SLC4A7: variants seen among roughly 807,000 people sequenced by gnomAD.
SLC4A7 encodes the protein solute carrier family 4 member 7, also known as sodium bicarbonate cotransporter 3.
A neutral mutation model predicts 137.6 loss-of-function variants in SLC4A7; 51 were observed. The ratio of observed to expected loss-of-function variants is 0.37; its 90% CI spans 0.30 to 0.47. SLC4A7 has a LOEUF of 0.47. Among genes scored for constraint, SLC4A7 ranks in the 20% least tolerant of loss-of-function variants. SLC4A7 has a pLI of 1.00. For missense variants in SLC4A7, 1,247 were observed against 1,525.4 expected (o/e 0.82, Z 3.04); for synonymous variants, 542 against 518.6 (o/e 1.05, Z -0.61).
intron 3 of SLC4A7, among the ~76,000 whole-genome samples, chr3:27,446,870 T>C (rs567832741): frequency 6.8e-4 from 53 of 78,402 alleles, no homozygotes; most frequent in Non-Finnish European, 1.2e-3. Flanking sequence ...GTAGAGTTTT[T>C]TTTTGTTTTT....
chr3:27,477,616 C>CT (rs919665845), intron 1 of SLC4A7, among the ~76,000 whole-genome samples: 20 of 151,016 alleles, frequency 1.3e-4, no homozygotes, highest in East Asian at 5.8e-4. Context: ...TTCTCAGAGC[C>CT]TTTTTTTTTG....
At chr3:27,433,659 T>A (rs895760147) in intron 6 of SLC4A7, among the ~76,000 whole-genome samples, 2 of 151,676 alleles carry the variant, frequency 1.3e-5, no homozygotes, top group African/African-American at 2.4e-5. Context: ...AAAAAAAAAA[T>A]TAGGAAAAAT....
intron 1 of SLC4A7, among the ~76,000 whole-genome samples, chr3:27,474,407 T>G (rs1036572586): frequency 6.6e-6 from 1 of 152,192 alleles, no homozygotes; most frequent in African/African-American, 2.4e-5. Flanking sequence ...AAAGGAGAGA[T>G]ATATCACATT....
chr3:27,456,656 ACTT>A (rs772830507), intron 1 of SLC4A7: 1 of 1,597,762 alleles, frequency 6.3e-7, no homozygotes, highest in South Asian at 1.1e-5. Flanking sequence ...CATACAGGTA[ACTT>A]CTTCTCCAGA....
intron 1 of SLC4A7, among the ~76,000 whole-genome samples, chr3:27,470,262 G>C (rs12497235): frequency 0.15 from 22,080 of 150,822 alleles, 1,850 homozygotes; most frequent in South Asian, 0.27. Flanking sequence ...AAAGGCTTAA[G>C]CAGTTGATTT....
In SLC4A7 at chr3:27,404,971, A is replaced by C. The variant is rs769681378; in HGVS notation, c.1942-8T>G. On this transcript the variant is annotated splice_polypyrimidine_tract_variant and splice_region_variant and intron_variant, in intron 13 of 25. Transcript: ENST00000454389. ...AAGAGACTCTATTGCACTCTGTTTAAGGAAAAAAGAAATGAATAAAAGCAA... is the reference window on the plus strand; with the variant it reads ...AAGAGACTCTATTGCACTCTGTTTACGGAAAAAAGAAATGAATAAAAGCAA... 9 of 1,557,656 alleles carry C rather than the reference A, an allele frequency of 5.8e-6. No individual in the cohort carries two copies. The Admixed American group carries it at 2.0e-4, about 34-fold the overall frequency.
intron 24 of SLC4A7, among the ~76,000 whole-genome samples, chr3:27,381,270 T>C (rs930311272): frequency 4.6e-5 from 7 of 152,190 alleles, no homozygotes; most frequent in African/African-American, 1.7e-4. Context: ...AAGGTCCATA[T>C]ATAATTACAC....
chr3:27,400,876 A>T lies in SLC4A7; in HGVS notation c.2322-7T>A. ...AGGTTCAGTACATACACATCTGAGAAATTAGAGTAGGATACATTTTTAAGG... is the reference window on the plus strand; with the variant it reads ...AGGTTCAGTACATACACATCTGAGATATTAGAGTAGGATACATTTTTAAGG... On this transcript the variant is annotated splice_region_variant and splice_polypyrimidine_tract_variant and intron_variant, in intron 15 of 25. Transcript: ENST00000454389. The T allele has an allele frequency of 6.9e-7, 1 of 1,446,594 alleles. No individual in the cohort carries two copies. Among genetic ancestry groups the T allele is most frequent in the Non-Finnish European group, 9.7e-7 (1 of 1,033,358 alleles). 89.6% of individuals were successfully genotyped at this position (1,446,594 alleles called of 1,614,324 possible). A position where few individuals can be genotyped will look rare whatever the true frequency, so the allele number is the denominator to read the frequency against.
chr3:27,390,196 T>C, intron 21 of SLC4A7, 92 bp from the exon 22 acceptor site: 1 of 736,402 alleles, frequency 1.4e-6, no homozygotes, highest in Non-Finnish European at 2.2e-6. Flanking sequence ...ATTTTGTGTA[T>C]TAAATTGTAA....
chr3:27,424,914 C>T (rs1316756490), intron 7 of SLC4A7, among the ~76,000 whole-genome samples: 1 of 152,138 alleles, frequency 6.6e-6, no homozygotes. Flanking sequence ...AGAAATGATA[C>T]TTGTTTGGAT....
rs759335145 is a variant in SLC4A7 at position 27,424,126 on chromosome 3, G to A, written c.1177C>T (p.Pro393Ser). Residue 393 changes from proline (P) to serine (S), a missense_variant, in exon 8 of 26, where the codon CCT becomes TCT. Coordinates refer to ENST00000454389, the MANE Select transcript of SLC4A7 (RefSeq NM_001321103.2). Reference protein sequence around the residue: ...PGILASPQSAPGNLDNSKSGE... With the variant: ...PGILASPQSASGNLDNSKSGE... ...CTTTTACTATTGTCCAAGTTTCCAG[G>A]AGCAGACTGGGGAGAGGCCAAAATA... 6.2e-7 allele frequency: 1 copy of A among 1,608,814 alleles called. No individual in the cohort carries two copies.
rs1212214200 is a variant in SLC4A7 at position 27,431,401 on chromosome 3, A to C, written c.1047T>G (p.Ser349Arg). ...QAPELLVSPA[S>R]DDIPTVVIHP... ...GAATTACTACTGTGGGAATATCATC[A>C]CTGGCAGGTGAAACCAGTAGTTCTG... is the stretch of plus-strand genomic sequence containing the variant. Residue 349 changes from serine (S) to arginine (R), a missense_variant, in exon 7 of 26, where the codon AGT (serine) becomes AGG (arginine). Physicochemically the swap from Ser to Arg is moderately radical, Grantham distance 110 (BLOSUM62 -1). Transcript: ENST00000454389. 1 of 1,613,970 alleles carries C rather than the reference A, an allele frequency of 6.2e-7. No individual in the cohort carries two copies. The highest frequency in any genetic ancestry group is 1.1e-5 in the South Asian group (1 of 91,062).
intron 1 of SLC4A7, among the ~76,000 whole-genome samples, chr3:27,467,760 C>T (rs1416303114): frequency 6.6e-6 from 1 of 152,118 alleles, no homozygotes; most frequent in Non-Finnish European, 1.5e-5. Flanking sequence ...AGATCACCAT[C>T]TAGTGGTTAT....
rs779254797 is a variant in SLC4A7, at chr3:27,418,558, T to C, written c.1587A>G (p.Gln529=). Residue 529 remains glutamine, a synonymous_variant, in exon 11 of 26, where the codon CAA becomes CAG. Coordinates refer to ENST00000454389, the MANE Select transcript of SLC4A7 (RefSeq NM_001321103.2). ...ACTCTCCTGGAGGTAGGACAGTTACTTGATCTAAAAATTCATCAATTCCAG... is the reference window on the plus strand; with the variant it reads ...ACTCTCCTGGAGGTAGGACAGTTACCTGATCTAAAAATTCATCAATTCCAG... ...LLSGIDEFLD[Q]VTVLPPGEWD... is the part of the protein sequence containing the mutation. The C allele has an allele frequency of 3.1e-6, 5 of 1,607,610 alleles. No homozygotes were observed. In the East Asian group the frequency reaches 6.7e-5, roughly 22 times the overall value.
At chr3:27,395,232 T>A (rs2052017880) in intron 18 of SLC4A7, 117 bp from the exon 19 acceptor site, 1 of 625,742 alleles carries the variant, frequency 1.6e-6, no homozygotes, top group Non-Finnish European at 2.6e-6. Context: ...ATAACTTAAA[T>A]CTTGAACTAC....
In SLC4A7 at chr3:27,375,763, A is replaced by C. The variant is rs1228042221; in HGVS notation, c.*1001T>G. Reference sequence around the variant, plus strand: ...TAACAAGCTATTAAATGTAATCTACAAAAGTGAAAGAATAACATAAAGAGA... The same window carrying C: ...TAACAAGCTATTAAATGTAATCTACCAAAGTGAAAGAATAACATAAAGAGA... On this transcript the variant is annotated 3_prime_UTR_variant, in exon 26 of 26. Transcript: ENST00000454389. The C allele has an allele frequency of 6.6e-6, 1 of 152,394 alleles. No individual in the cohort carries two copies. Among genetic ancestry groups the C allele is most frequent in the Non-Finnish European group, 1.5e-5 (1 of 67,924 alleles). The allele number at this position is 152,394 out of a possible 1,614,324, so 9.4% of individuals were successfully genotyped here.
intron 23 of SLC4A7, among the ~76,000 whole-genome samples, chr3:27,385,256 CCTT>C (rs2050819719): frequency 6.6e-6 from 1 of 152,130 alleles, no homozygotes. Flanking sequence ...CTCTACTTTT[CCTT>C]CTTATTAACC....
chr3:27,448,597 C>T, intron 3 of SLC4A7, 54 bp downstream of exon 3: 3 of 1,473,070 alleles, frequency 2.0e-6, no homozygotes, highest in Non-Finnish European at 2.8e-6. Flanking sequence ...AAAGAAAATA[C>T]TTTCCAGGAA....
In SLC4A7 at chr3:27,376,571, A is replaced by C. The variant is rs2049910564; in HGVS notation, c.*193T>G. ...ATATTTGAATAGTTAAGAACCATGT[A>C]CCTCACTTCAAAGAGAGCATTTCAT... is the stretch of plus-strand genomic sequence containing the variant. On this transcript the variant is annotated 3_prime_UTR_variant, in exon 26 of 26. Transcript: ENST00000454389. 3 of 377,858 alleles carry C rather than the reference A, an allele frequency of 7.9e-6. No homozygotes were observed. The East Asian group carries it at 1.2e-4, about 16-fold the overall frequency. The allele number at this position is 377,858 out of a possible 1,614,324, so 23.4% of individuals were successfully genotyped here.
Sources: gnomAD v4.1 joint callset for allele counts (sites outside exome capture counted in the v4.1 genomes callset) on GRCh38, gnomAD v4.1.1 for gene constraint, MANE v1.5 for transcripts, NCBI Gene and HGNC (gene_info 2026-07-23, HGNC 2026-07-21) for gene names.